The following CSMD1 variants were observed in gnomAD, a reference collection of about 807,000 sequenced individuals.
CSMD1 encodes the protein CUB and sushi domain-containing protein 1.
CSMD1 carries 213 observed loss-of-function variants against 417.5 expected under a neutral mutation model. The observed-to-expected ratio is 0.51, with a 90% CI of 0.46 to 0.57. The LOEUF is 0.57. CSMD1 is among the 20% of genes least tolerant of loss of function. The probability of loss-of-function intolerance (pLI) is 0.00; values close to 1 mark genes in which losing one functional copy is unlikely to be tolerated. For synonymous variants in CSMD1, 2,862 were observed against 1,736.8 expected, an observed-to-expected ratio of 1.65 and a Z score of -16.11; for missense variants, 6,923 against 4,529.7, an observed-to-expected ratio of 1.53 and a Z score of -15.17.
At chr8:3,979,986 G>A (rs6983520) in intron 5 of CSMD1, among the ~76,000 whole-genome samples, 1 of 152,184 alleles carries the variant, frequency 6.6e-6, no homozygotes, top group Non-Finnish European at 1.5e-5. Flanking sequence ...TAAGAACTGG[G>A]TTGAACAACT....
At chr8:3,100,954 C>A (rs1019834402) in intron 46 of CSMD1, among the ~76,000 whole-genome samples, 1 of 152,042 alleles carries the variant, frequency 6.6e-6, no homozygotes, top group Non-Finnish European at 1.5e-5. Context: ...GAAGCTGGAG[C>A]TGGGCAGCGG....
At chr8:4,987,555 T>C (rs919462945) in intron 1 of CSMD1, among the ~76,000 whole-genome samples, 2 of 152,242 alleles carry the variant, frequency 1.3e-5, no homozygotes, top group African/African-American at 4.8e-5. Context: ...CTCCCCAAAA[T>C]ATATCACGCC....
intron 3 of CSMD1, among the ~76,000 whole-genome samples, chr8:4,222,370 TAAGAAGCTTCCATCTTATTCTGTAAACAG>T (rs1563297166): frequency 6.6e-3 from 2 of 304 alleles, no homozygotes. Flanking sequence ...GTAAACAGAA[TAAGAAGCTTCCATCTTATTCTGTAAACAG>T]AATAAGAAGC....
chr8:3,324,037 C>A, intron 23 of CSMD1, among the ~76,000 whole-genome samples: 1 of 144,490 alleles, frequency 6.9e-6, no homozygotes, highest in Non-Finnish European at 1.5e-5. Flanking sequence ...GTTTCCTTCA[C>A]CCCACCTTTC....
At chr8:4,368,839 T>A (rs1802241104) in intron 3 of CSMD1, among the ~76,000 whole-genome samples, 1 of 152,142 alleles carries the variant, frequency 6.6e-6, no homozygotes, top group Non-Finnish European at 1.5e-5. Flanking sequence ...TGTCTTTATT[T>A]GGGTCTTCTT....
intron 26 of CSMD1, among the ~76,000 whole-genome samples, chr8:3,273,190 C>A (rs1802001554): frequency 1.3e-5 from 2 of 150,656 alleles, no homozygotes; most frequent in Admixed American, 1.3e-4. Context: ...TTGAGATAAT[C>A]ATGTGGTTTT....
In CSMD1 at chr8:3,204,964, T is replaced by C. The variant is rs118082155; in HGVS notation, c.4984+540A>G. Reference sequence around the variant, plus strand: ...CTGGAAATGAAGTCATTTTGGAAAATTAGCTGGAATTGGAAGCAATGTTTA... The same window carrying C: ...CTGGAAATGAAGTCATTTTGGAAAACTAGCTGGAATTGGAAGCAATGTTTA... On this transcript the variant is annotated intron_variant, in intron 31 of 69. Transcript: ENST00000635120. Among the ~76,000 whole-genome samples the C allele has an allele frequency of 5.8e-3, 878 of 152,124 alleles. 5 individuals carry two copies. Among genetic ancestry groups the C allele is most frequent in the Middle Eastern group, 0.014 (4 of 294 alleles).
In CSMD1 at chr8:3,837,576, T is replaced by G. The variant is rs144171856; in HGVS notation, c.819-83534A>C. Among the ~76,000 whole-genome samples, 5 of 152,268 alleles carry G rather than the reference T, an allele frequency of 3.3e-5. No individual in the cohort carries two copies. The East Asian group carries it at 9.6e-4, about 29-fold the overall frequency. On this transcript the variant is annotated intron_variant, in intron 5 of 69. Coordinates refer to ENST00000635120, the MANE Select transcript of CSMD1 (RefSeq NM_033225.6). ...ACATTACCAATAATGATACTTGAAA[T>G]GACTGACAAGTAAGTTTAGAAGTCT...
chr8:3,273,645 C>T (rs916191386), intron 26 of CSMD1, among the ~76,000 whole-genome samples: 74 of 152,306 alleles, frequency 4.9e-4, no homozygotes, highest in Admixed American at 1.4e-3. Context: ...TCAACTTCTT[C>T]CTGGTTTAGT....
intron 69 of CSMD1, among the ~76,000 whole-genome samples, chr8:2,939,793 T>G (rs1232579941): frequency 5.9e-5 from 9 of 152,200 alleles, no homozygotes; most frequent in Non-Finnish European, 1.0e-4. Context: ...GAGAGGTCCG[T>G]GACATTGTGC....
chr8:3,016,447 C>A (rs1044267770), intron 52 of CSMD1, among the ~76,000 whole-genome samples: 2 of 152,172 alleles, frequency 1.3e-5, no homozygotes, highest in Non-Finnish European at 2.9e-5. Context: ...GCTGTCGCCC[C>A]CCAGCAAAAG....
At chr8:3,278,296 C>T (rs985635540) in intron 26 of CSMD1, 4 of 152,160 alleles carry the variant, frequency 2.6e-5, no homozygotes, top group African/African-American at 9.6e-5. Context: ...TTAAAATGTA[C>T]TTCAAAGTGT....
At chr8:4,181,979 GTGTGT>G (rs1798404294) in intron 3 of CSMD1, among the ~76,000 whole-genome samples, 1 of 143,232 alleles carries the variant, frequency 7.0e-6, no homozygotes, top group Non-Finnish European at 1.5e-5. Context: ...TGTGTGATGT[GTGTGT>G]AATGTTTACA....
intron 1 of CSMD1, among the ~76,000 whole-genome samples, chr8:4,782,603 C>G (rs549384441): frequency 7.2e-5 from 11 of 152,196 alleles, no homozygotes; most frequent in African/African-American, 2.6e-4. Flanking sequence ...TTTGTAGGTA[C>G]TGAAAATAAA....
intron 2 of CSMD1, among the ~76,000 whole-genome samples, chr8:4,617,952 A>G (rs71523638): frequency 0.03 from 4,526 of 152,188 alleles, 131 homozygotes; most frequent in Admixed American, 0.084. Context: ...TTAAGATGCA[A>G]TATTTCTTTT....
intron 8 of CSMD1, among the ~76,000 whole-genome samples, chr8:3,599,594 C>T (rs968281582): frequency 6.6e-6 from 1 of 152,188 alleles, no homozygotes; most frequent in African/African-American, 2.4e-5. Context: ...CACAATACAG[C>T]ATTGTTAATT....
At chr8:3,460,813 C>T (rs918289829) in intron 12 of CSMD1, among the ~76,000 whole-genome samples, 3 of 152,154 alleles carry the variant, frequency 2.0e-5, no homozygotes, top group African/African-American at 7.2e-5. Context: ...ATGCCGCACT[C>T]TGGGTAAGAA....
chr8:3,962,543 A>C (rs1384944066), intron 5 of CSMD1, among the ~76,000 whole-genome samples: 1 of 152,154 alleles, frequency 6.6e-6, no homozygotes, highest in Non-Finnish European at 1.5e-5. Flanking sequence ...GCAGGTAAGC[A>C]AAGTGTAGGG....
chr8:4,718,156 T>C (rs1808808639), intron 1 of CSMD1, among the ~76,000 whole-genome samples: 1 of 152,086 alleles, frequency 6.6e-6, no homozygotes, highest in Admixed American at 6.6e-5. Context: ...TACATTATTT[T>C]TGTACAGACA....
Sources: allele counts gnomAD v4.1 joint callset (sites outside exome capture counted in the v4.1 genomes callset), GRCh38; gene constraint gnomAD v4.1.1; transcripts MANE v1.5; gene names NCBI Gene and HGNC (gene_info 2026-07-23, HGNC 2026-07-21).